GLG1: variants seen among roughly 807,000 people sequenced by gnomAD.
GLG1 encodes the protein Golgi apparatus protein 1.
Under a neutral mutation model 160.5 loss-of-function variants are expected in GLG1, and 38 were observed. That is an observed-to-expected ratio of 0.24 (90% CI 0.18 to 0.31). GLG1 has a LOEUF of 0.31. GLG1 is among the 10% of genes least tolerant of loss of function. The pLI is 1.00. For missense variants in GLG1, 1,373 were observed against 1,505.2 expected, an observed-to-expected ratio of 0.91 and a Z score of 1.45; for synonymous variants, 644 against 543.4, an observed-to-expected ratio of 1.19 and a Z score of -2.57.
At chr16:74,463,526 T>C (rs760228264) in intron 19 of GLG1, 47 bp from the exon 20 acceptor site, 3 of 1,595,586 alleles carry the variant, frequency 1.9e-6, no homozygotes, top group Admixed American at 1.7e-5. Flanking sequence ...ACATGGCGAT[T>C]AACTCCATCT....
At chr16:74,543,263 G>C (rs13335886) in intron 1 of GLG1, among the ~76,000 whole-genome samples, 34,687 of 151,280 alleles carry the variant, frequency 0.23, 3,921 homozygotes, top group East Asian at 0.33. Context: ...GTAGCTCAAA[G>C]AAAGAGACCA....
chr16:74,546,336 G>T (rs931434105), intron 1 of GLG1, among the ~76,000 whole-genome samples: 7 of 152,034 alleles, frequency 4.6e-5, no homozygotes, highest in East Asian at 1.9e-4. Context: ...CTCCTTGGGT[G>T]GGGGGCGCTG....
intron 1 of GLG1, among the ~76,000 whole-genome samples, chr16:74,557,961 G>A (rs2018398745): frequency 6.6e-6 from 1 of 152,100 alleles, no homozygotes; most frequent in South Asian, 2.1e-4. Flanking sequence ...CCACTCATTT[G>A]TAAAGAACAT....
intron 1 of GLG1, among the ~76,000 whole-genome samples, chr16:74,571,877 A>C (rs930802650): frequency 5.9e-5 from 9 of 152,192 alleles, no homozygotes; most frequent in African/African-American, 1.9e-4. Context: ...ATAAAATGCA[A>C]AAGAAGTTTG....
At chr16:74,557,920 G>A (rs1217004275) in intron 1 of GLG1, among the ~76,000 whole-genome samples, 1 of 151,912 alleles carries the variant, frequency 6.6e-6, no homozygotes, top group Admixed American at 6.6e-5. Context: ...TGTGCTGAGG[G>A]GATAATGAGT....
At position 74,508,847 on chromosome 16, in the gene GLG1, T is replaced by G. The variant is rs776803868; in HGVS notation, c.550A>C (p.Ile184Leu). The part of the protein sequence containing the change: ...SVAREVCKST[I>L]TEIKECADEP... The stretch of plus-strand genomic sequence containing the variant: ...ATTCTTTGACAACTTACCTCTGTTA[T>G]AGTAGATTTGCAAACCTCTCTGGCC... The change falls in exon 3 of 26, where the codon ATA (isoleucine) becomes CTA (leucine). Residue 184 changes from isoleucine (I) to leucine (L), a missense_variant. Transcript: ENST00000422840. 2 of 1,424,130 alleles carry G rather than the reference T, an allele frequency of 1.4e-6. No homozygotes were observed. Among genetic ancestry groups the G allele is most frequent in the East Asian group, 2.3e-5 (1 of 43,984 alleles). 88.2% of individuals were successfully genotyped at this position (1,424,130 alleles called of 1,614,324 possible).
chr16:74,562,594 G>C (rs1172892302), intron 1 of GLG1, among the ~76,000 whole-genome samples: 3 of 152,118 alleles, frequency 2.0e-5, no homozygotes, highest in African/African-American at 7.2e-5. Context: ...CAAGCAGCTG[G>C]GATTACAGGC....
chr16:74,457,316 G>C (rs1425056998), intron 24 of GLG1, among the ~76,000 whole-genome samples: 1 of 152,156 alleles, frequency 6.6e-6, no homozygotes, highest in Non-Finnish European at 1.5e-5. Context: ...AAAATCACTT[G>C]AACCCAGGAG....
chr16:74,574,938 G>A (rs1424740465), intron 1 of GLG1, among the ~76,000 whole-genome samples: 1 of 105,096 alleles, frequency 9.5e-6, no homozygotes, highest in Non-Finnish European at 1.8e-5. Context: ...GAGACAGGAG[G>A]AATCCATATA....
chr16:74,483,697 C>T (rs1487895393), intron 9 of GLG1, among the ~76,000 whole-genome samples: 5 of 149,484 alleles, frequency 3.3e-5, no homozygotes, highest in African/African-American at 7.4e-5. Context: ...CTCGCTCTGT[C>T]GCCCAGGCTG....
chr16:74,584,424 A>G (rs771496626), intron 1 of GLG1, among the ~76,000 whole-genome samples: 1 of 152,104 alleles, frequency 6.6e-6, no homozygotes, highest in Non-Finnish European at 1.5e-5. Context: ...TTTATAAACC[A>G]TCTCTTAGGG....
chr16:74,537,992 T>C (rs984908441), intron 1 of GLG1, among the ~76,000 whole-genome samples: 5 of 152,034 alleles, frequency 3.3e-5, no homozygotes, highest in African/African-American at 4.8e-5. Flanking sequence ...CATAAAGCTA[T>C]CTTGGAAGGT....
Position 74,577,027 on chromosome 16 carries a change from T to G in GLG1, c.438+29630A>C, listed in dbSNP as rs1291869883. Among the ~76,000 whole-genome samples the G allele has an allele frequency of 4.0e-5, 6 of 151,716 alleles. No individual in the cohort carries two copies. The East Asian group carries it at 9.7e-4, about 25-fold the overall frequency. On this transcript the variant is annotated intron_variant, in intron 1 of 25. Transcript: ENST00000422840. ...GCCTCAACTTCTTGGGCTCAAACAA[T>G]CCTCTTGCCTCAGCCTTCCAGGCAA...
chr16:74,515,262 C>T (rs980736234), intron 2 of GLG1, among the ~76,000 whole-genome samples: 1 of 152,128 alleles, frequency 6.6e-6, no homozygotes, highest in African/African-American at 2.4e-5. Context: ...ACAAGGATAT[C>T]CAGGACTTGA....
At chr16:74,512,222 G>A (rs551289373) in intron 2 of GLG1, among the ~76,000 whole-genome samples, 15 of 141,554 alleles carry the variant, frequency 1.1e-4, no homozygotes, top group African/African-American at 2.1e-4. Context: ...GCAGTGGCGC[G>A]ATCTCGACTC....
At chr16:74,456,361 C>T (rs898810234) in intron 25 of GLG1, among the ~76,000 whole-genome samples, 5 of 152,200 alleles carry the variant, frequency 3.3e-5, no homozygotes, top group Non-Finnish European at 5.9e-5. Context: ...GGGGTTTCAC[C>T]GTGTTGGCCA....
intron 14 of GLG1, among the ~76,000 whole-genome samples, chr16:74,472,020 T>A (rs912183306): frequency 6.6e-6 from 1 of 152,106 alleles, no homozygotes; most frequent in Non-Finnish European, 1.5e-5. Context: ...TCCTCCCACC[T>A]CTGCCCCCTA....
intron 22 of GLG1, 65 bp from the exon 23 acceptor site, chr16:74,459,854 C>CA: frequency 1.6e-6 from 1 of 642,612 alleles, no homozygotes; most frequent in Non-Finnish European, 2.6e-6. Context: ...ACAGTTTCTT[C>CA]TTTTTTTTTT....
intron 8 of GLG1, among the ~76,000 whole-genome samples, chr16:74,489,589 G>A (rs2015911015): frequency 6.6e-6 from 1 of 152,106 alleles, no homozygotes; most frequent in Non-Finnish European, 1.5e-5. Context: ...TGGGTCCCAG[G>A]ACCCACACTG....
Sources: gnomAD v4.1 joint callset for allele counts (sites outside exome capture counted in the v4.1 genomes callset) on GRCh38, gnomAD v4.1.1 for gene constraint, MANE v1.5 for transcripts, NCBI Gene and HGNC (gene_info 2026-07-23, HGNC 2026-07-21) for gene names.